FAM162B: variants seen among roughly 807,000 people sequenced by gnomAD.
FAM162B encodes the protein family with sequence similarity 162 member B, also known as protein FAM162B.
In FAM162B, 16 loss-of-function variants were observed where a neutral mutation model predicts 20.0. That is an observed-to-expected ratio of 0.80 (90% CI 0.54 to 1.21). The LOEUF (loss-of-function observed/expected upper bound fraction) is 1.21. FAM162B is among the 50% of genes most tolerant of loss of function. The pLI, the probability that FAM162B is intolerant of heterozygous loss-of-function variation, is 0.00. For missense variants in FAM162B, 260 were observed against 227.5 expected (o/e 1.14, Z -0.92); for synonymous variants, 83 against 89.7 (o/e 0.93, Z 0.42).
At chr6:116,761,249 T>A (rs891977653) in intron 3 of FAM162B, among the ~76,000 whole-genome samples, 6 of 152,018 alleles carry the variant, frequency 3.9e-5, no homozygotes, top group African/African-American at 1.5e-4. Flanking sequence ...AAAACAAAAT[T>A]AGAGGGTAGT....
chr6:116,765,122 T>C lies in FAM162B; in HGVS notation c.281+25A>G, dbSNP rs763740305. 3 of 1,608,482 alleles carry C rather than the reference T, an allele frequency of 1.9e-6. No homozygotes were observed. The African/African-American group carries it at 4.0e-5, about 21-fold the overall frequency. ...CCTTGCGGCCGGGGACCGACTCTCCTTCGCGCGGCGGTCGCCACACTTACG... is the reference window on the plus strand; with the variant it reads ...CCTTGCGGCCGGGGACCGACTCTCCCTCGCGCGGCGGTCGCCACACTTACG... On this transcript the variant is annotated intron_variant, in intron 2 of 3. Transcript: ENST00000368557.
intron 3 of FAM162B, among the ~76,000 whole-genome samples, chr6:116,755,784 C>T (rs1780044854): frequency 6.6e-6 from 1 of 152,028 alleles, no homozygotes; most frequent in African/African-American, 2.4e-5. Context: ...TCCTAGGGCT[C>T]TTAAGAATTA....
intron 3 of FAM162B, among the ~76,000 whole-genome samples, chr6:116,759,190 A>G (rs906085850): frequency 6.6e-6 from 1 of 152,030 alleles, no homozygotes; most frequent in African/African-American, 2.4e-5. Context: ...GTAGTGTTTA[A>G]AAGTTGCCTT....
chr6:116,761,888 A>G, intron 3 of FAM162B, 89 bp downstream of exon 3: 1 of 914,576 alleles, frequency 1.1e-6, no homozygotes, highest in East Asian at 2.5e-5. Flanking sequence ...GGAGGTACTC[A>G]CCCTTTTGGT....
At chr6:116,755,763 C>T (rs997940163) in intron 3 of FAM162B, among the ~76,000 whole-genome samples, 1 of 152,118 alleles carries the variant, frequency 6.6e-6, no homozygotes, top group African/African-American at 2.4e-5. Context: ...TACTCATTAG[C>T]ATTCTGAAAA....
chr6:116,761,753 C>CACAT (rs1445734996), intron 3 of FAM162B, among the ~76,000 whole-genome samples: 1 of 146,070 alleles, frequency 6.8e-6, no homozygotes, highest in Non-Finnish European at 1.5e-5. Context: ...CACACACACA[C>CACAT]ATATATATAT....
At chr6:116,756,155 A>G (rs762026706) in intron 3 of FAM162B, among the ~76,000 whole-genome samples, 7 of 152,200 alleles carry the variant, frequency 4.6e-5, no homozygotes, top group Non-Finnish European at 8.8e-5. Context: ...GTAAATTGAA[A>G]ACCTTCTGGA....
chr6:116,765,348 G>T (rs1041351013), intron 1 of FAM162B, 57 bp downstream of exon 1: 3 of 1,525,930 alleles, frequency 2.0e-6, no homozygotes, highest in East Asian at 4.8e-5. Context: ...CCGGCCCCTC[G>T]CTGCCCTCCC....
chr6:116,752,727 T>TAG (rs778971204), intron 3 of FAM162B, 32 bp from the exon 4 acceptor site: 128 of 614,954 alleles, frequency 2.1e-4, no homozygotes, highest in South Asian at 2.5e-4. Flanking sequence ...TATATATATA[T>TAG]ATATATAGAT....
In FAM162B at chr6:116,752,711, A is replaced by AATATATATATAT. The variant is rs10556522; in HGVS notation, c.391-28_391-17dup. The stretch of plus-strand genomic sequence containing the variant: ...GTTCTACAGCCTGTGGGGGGGAAGA[A>AATATATATATAT]ATATATATATATATATATATATAGA... On this transcript the variant is annotated splice_polypyrimidine_tract_variant and intron_variant, in intron 3 of 3. Coordinates refer to ENST00000368557, the MANE Select transcript of FAM162B (RefSeq NM_001085480.3). 3.6e-4 allele frequency: 174 copies of AATATATATATAT among 481,494 alleles called. 1 individual carries two copies. In the African/African-American group the frequency reaches 4.0e-3, roughly 11 times the overall value. 29.8% of individuals were successfully genotyped at this position (481,494 alleles called of 1,614,324 possible).
rs1779998726 is a variant in FAM162B, at chr6:116,752,235, C to G, written c.*362G>C. On this transcript the variant is annotated 3_prime_UTR_variant, in exon 4 of 4. Transcript: ENST00000368557. The stretch of plus-strand genomic sequence containing the variant: ...CATTTATATAAAGTTCAAAAACAGG[C>G]AAAATGAATCAAAGGTGATGAAACT... The G allele has an allele frequency of 6.5e-6, 1 of 152,814 alleles. No homozygotes were observed. 9.5% of individuals were successfully genotyped at this position (152,814 alleles called of 1,614,324 possible).
At chr6:116,759,929 A>G (rs1220219514) in intron 3 of FAM162B, among the ~76,000 whole-genome samples, 1 of 151,992 alleles carries the variant, frequency 6.6e-6, no homozygotes, top group Non-Finnish European at 1.5e-5. Context: ...CTCAGAGAGG[A>G]CGTCCCTGAC....
chr6:116,761,650 A>ATATATG (rs1554260283), intron 3 of FAM162B, among the ~76,000 whole-genome samples: 27 of 141,454 alleles, frequency 1.9e-4, no homozygotes, highest in African/African-American at 5.8e-4. Context: ...ATATACACTT[A>ATATATG]TATATATACT....
At chr6:116,762,809 G>A (rs957886760) in intron 2 of FAM162B, among the ~76,000 whole-genome samples, 3 of 151,932 alleles carry the variant, frequency 2.0e-5, no homozygotes, top group Non-Finnish European at 2.9e-5. Context: ...TACTTACAAA[G>A]TAGTAATACA....
intron 2 of FAM162B, among the ~76,000 whole-genome samples, chr6:116,762,533 C>T (rs148764884): frequency 6.6e-6 from 1 of 151,640 alleles, no homozygotes; most frequent in East Asian, 1.9e-4. Context: ...TTTTTTCACT[C>T]GCCTCCCAAT....
chr6:116,753,299 T>A (rs1384726030), intron 3 of FAM162B, among the ~76,000 whole-genome samples: 1 of 152,192 alleles, frequency 6.6e-6, no homozygotes, highest in Non-Finnish European at 1.5e-5. Flanking sequence ...TCTGCCACAA[T>A]TTCTTTAAGG....
intron 3 of FAM162B, among the ~76,000 whole-genome samples, chr6:116,761,572 T>G (rs1582436287): frequency 6.7e-6 from 1 of 150,152 alleles, no homozygotes; most frequent in African/African-American, 2.4e-5. Context: ...ATTTGTTGAC[T>G]CAAATTTCCA....
At chr6:116,760,397 A>G (rs1212573336) in intron 3 of FAM162B, among the ~76,000 whole-genome samples, 2 of 152,264 alleles carry the variant, frequency 1.3e-5, no homozygotes, top group Non-Finnish European at 2.9e-5. Flanking sequence ...TGATGACATC[A>G]GTAGATCTCT....
At chr6:116,758,359 A>T (rs1253287704) in intron 3 of FAM162B, among the ~76,000 whole-genome samples, 2 of 152,198 alleles carry the variant, frequency 1.3e-5, no homozygotes, top group African/African-American at 4.8e-5. Flanking sequence ...TGTGTTTAAG[A>T]GGCATGTGCA....
Sources: gnomAD v4.1 joint callset for allele counts (sites outside exome capture counted in the v4.1 genomes callset) on GRCh38, gnomAD v4.1.1 for gene constraint, MANE v1.5 for transcripts, NCBI Gene and HGNC (gene_info 2026-07-23, HGNC 2026-07-21) for gene names.